Variants in COL19A1 observed in about 807,000 individuals in gnomAD.
The protein encoded by COL19A1 is collagen alpha-1(XIX) chain.
Under a neutral mutation model 190.2 loss-of-function variants are expected in COL19A1, and 159 were observed. The ratio of observed to expected loss-of-function variants is 0.84; its 90% CI spans 0.73 to 0.95. The LOEUF (loss-of-function observed/expected upper bound fraction) is 0.95, where lower values mean the gene tolerates loss of function less well. Among genes scored for constraint, COL19A1 ranks in the 40% least tolerant of loss-of-function variants. The probability of loss-of-function intolerance (pLI) is 0.00; values close to 1 mark genes in which losing one functional copy is unlikely to be tolerated. For synonymous variants in COL19A1, 509 were observed against 458.9 expected (o/e 1.11, Z -1.39); for missense variants, 1,418 against 1,431.9 (o/e 0.99, Z 0.16).
At chr6:70,187,241 C>T (rs1766584060) in intron 46 of COL19A1, among the ~76,000 whole-genome samples, 1 of 152,150 alleles carries the variant, frequency 6.6e-6, no homozygotes, top group African/African-American at 2.4e-5. Context: ...ACATCCTCCC[C>T]CCAGTCACCT....
At position 70,059,910 on chromosome 6, in the gene COL19A1, C is replaced by G. The variant is rs146688884; in HGVS notation, c.1171-8513C>G. The G allele has an allele frequency of 1.4e-3, 451 of 328,330 alleles. 9 individuals are homozygous for G. The highest frequency in any genetic ancestry group is 9.2e-3 in the African/African-American group (415 of 45,150). 20.3% of individuals were successfully genotyped at this position (328,330 alleles called of 1,614,324 possible). A position where few individuals can be genotyped will look rare whatever the true frequency, so the allele number is the denominator to read the frequency against. On this transcript the variant is annotated intron_variant, in intron 14 of 50. Coordinates refer to ENST00000620364, the MANE Select transcript of COL19A1 (RefSeq NM_001858.6). ...AACATTGATAGGCATTTTTCATCAG[C>G]AAATTAAATTGAAGAAGAAAAAAAA... is the stretch of plus-strand genomic sequence containing the variant.
intron 17 of COL19A1, among the ~76,000 whole-genome samples, chr6:70,126,495 T>C (rs1785202006): frequency 6.6e-6 from 1 of 152,222 alleles, no homozygotes; most frequent in Admixed American, 6.5e-5. Flanking sequence ...GTTGGTTTGA[T>C]TACAGACAGC....
chr6:70,077,966 G>T (rs2150160138), intron 15 of COL19A1, among the ~76,000 whole-genome samples: 1 of 152,242 alleles, frequency 6.6e-6, no homozygotes, highest in East Asian at 1.9e-4. Context: ...ACTCTCCATT[G>T]GCCATGTGTT....
intron 4 of COL19A1, among the ~76,000 whole-genome samples, chr6:69,901,786 C>T (rs17689265): frequency 0.085 from 12,880 of 152,264 alleles, 724 homozygotes; most frequent in Middle Eastern, 0.14. Context: ...CATCTTCTTT[C>T]GGATTTAAAC....
intron 16 of COL19A1, among the ~76,000 whole-genome samples, chr6:70,113,497 C>G (rs1452404604): frequency 5.3e-5 from 8 of 152,180 alleles, no homozygotes; most frequent in Non-Finnish European, 1.0e-4. Flanking sequence ...CCAAAATCAT[C>G]CCCAAGCAAT....
intron 30 of COL19A1, 109 bp from the exon 31 acceptor site, chr6:70,151,288 A>C: frequency 2.0e-6 from 2 of 984,802 alleles, no homozygotes; most frequent in Non-Finnish European, 3.1e-6. Flanking sequence ...GTGAGACACC[A>C]GAAGCTTCAT....
Position 70,161,587 on chromosome 6 carries a change from G to A in COL19A1, c.2293-313G>A, listed in dbSNP as rs753596107. Among the ~76,000 whole-genome samples the A allele has an allele frequency of 3.3e-5, 5 of 152,230 alleles. No individual in the cohort carries two copies. In the East Asian group the frequency reaches 7.7e-4, roughly 24 times the overall value. On this transcript the variant is annotated intron_variant, in intron 34 of 50. Coordinates refer to ENST00000620364, the MANE Select transcript of COL19A1 (RefSeq NM_001858.6). ...AGGCCCAGAAGTGAGGAGTATAGGCGAGGTGTGAAGGATGAAAAACTACCT... is the reference window on the plus strand; with the variant it reads ...AGGCCCAGAAGTGAGGAGTATAGGCAAGGTGTGAAGGATGAAAAACTACCT...
At chr6:69,948,669 C>T (rs1316369077) in intron 9 of COL19A1, among the ~76,000 whole-genome samples, 1 of 151,722 alleles carries the variant, frequency 6.6e-6, no homozygotes, top group Non-Finnish European at 1.5e-5. Context: ...AAAGAGAGGG[C>T]ATTTAGGGCA....
rs138668538 is a variant in COL19A1 at position 70,069,584 on chromosome 6, G to T, written c.1224+1108G>T. Among the ~76,000 whole-genome samples, 579 of 152,242 alleles carry T rather than the reference G, an allele frequency of 3.8e-3. 7 individuals are homozygous for T. Among genetic ancestry groups the T allele is most frequent in the Middle Eastern group, 0.02 (6 of 294 alleles). ...CTTACTTAGGGCAGAGTAAAATGAG[G>T]CAAGTACGCCCCATACCACAGACAA... On this transcript the variant is annotated intron_variant, in intron 15 of 50. Coordinates refer to ENST00000620364, the MANE Select transcript of COL19A1 (RefSeq NM_001858.6).
chr6:70,106,551 G>C (rs1227086007), intron 16 of COL19A1, among the ~76,000 whole-genome samples: 1 of 152,062 alleles, frequency 6.6e-6, no homozygotes, highest in Non-Finnish European at 1.5e-5. Flanking sequence ...GCAACTTTTT[G>C]TGTCTTTAGG....
chr6:70,110,633 T>A (rs563499694), intron 16 of COL19A1, among the ~76,000 whole-genome samples: 1 of 152,148 alleles, frequency 6.6e-6, no homozygotes, highest in Non-Finnish European at 1.5e-5. Context: ...GACATGCATG[T>A]GAGGCAGCTG....
intron 4 of COL19A1, among the ~76,000 whole-genome samples, chr6:69,906,806 TG>T (rs1244390399): frequency 6.6e-6 from 1 of 152,198 alleles, no homozygotes; most frequent in African/African-American, 2.4e-5. Context: ...TAGCTTTATG[TG>T]AAAATAAGAG....
chr6:69,959,368 T>TAC (rs745432258), intron 9 of COL19A1, among the ~76,000 whole-genome samples: 247 of 151,018 alleles, frequency 1.6e-3, no homozygotes, highest in African/African-American at 5.2e-3. Flanking sequence ...TATATAAGAA[T>TAC]ACACACACAC....
chr6:70,146,775 T>G (rs747708548), intron 26 of COL19A1, 37 bp from the exon 27 acceptor site: 17 of 1,591,874 alleles, frequency 1.1e-5, no homozygotes, highest in Admixed American at 3.6e-5. Flanking sequence ...TGTATGTCTC[T>G]TGAGCCTTGC....
At chr6:69,987,992 G>C (rs922434486) in intron 11 of COL19A1, among the ~76,000 whole-genome samples, 2 of 152,142 alleles carry the variant, frequency 1.3e-5, no homozygotes, top group Admixed American at 6.5e-5. Flanking sequence ...GACCCTTAAA[G>C]CTTTAAACCA....
At chr6:69,918,503 C>T (rs1771463076) in intron 4 of COL19A1, among the ~76,000 whole-genome samples, 1 of 151,892 alleles carries the variant, frequency 6.6e-6, no homozygotes, top group Admixed American at 6.6e-5. Context: ...TTGAGACCCG[C>T]CTAGGAAACA....
intron 15 of COL19A1, among the ~76,000 whole-genome samples, chr6:70,072,963 A>G (rs751817606): frequency 2.0e-3 from 125 of 62,728 alleles, no homozygotes; most frequent in Non-Finnish European, 1.8e-3. Flanking sequence ...CCTGAATTTT[A>G]TTTATTTATT....
chr6:70,098,919 T>C (rs1362619884), intron 15 of COL19A1, among the ~76,000 whole-genome samples: 2 of 151,546 alleles, frequency 1.3e-5, no homozygotes, highest in African/African-American at 4.8e-5. Context: ...ATTGTGTTGA[T>C]AGAAATTGCA....
At chr6:69,940,535 C>T (rs182174556) in intron 9 of COL19A1, among the ~76,000 whole-genome samples, 2 of 152,054 alleles carry the variant, frequency 1.3e-5, no homozygotes, top group African/African-American at 2.4e-5. Context: ...ATAAAATATA[C>T]AAAAATGTAT....
Sources: allele counts gnomAD v4.1 joint callset (sites outside exome capture counted in the v4.1 genomes callset), GRCh38; gene constraint gnomAD v4.1.1; transcripts MANE v1.5; gene names NCBI Gene and HGNC (gene_info 2026-07-23, HGNC 2026-07-21).